Variants in LOC128462377 observed in about 807,000 individuals in gnomAD.
At chr16:89,362,959 T>TA in the LOC128462377 span, among the ~76,000 whole-genome samples, 122 of 152,004 alleles carry the variant, frequency 8.0e-4, 2 homozygotes, top group African/African-American at 2.8e-3. Context: ...GCAGTTGGTA[T>TA]AAAAAAACCG....
chr16:89,406,294 C>G, the LOC128462377 span, among the ~76,000 whole-genome samples: 3 of 152,124 alleles, frequency 2.0e-5, no homozygotes, highest in African/African-American at 7.2e-5. Context: ...CTCAGGCCAA[C>G]GGCACTGACA....
At chr16:89,329,313 C>A in the LOC128462377 span, among the ~76,000 whole-genome samples, 1 of 152,164 alleles carries the variant, frequency 6.6e-6, no homozygotes. Context: ...ATGTTCCCGG[C>A]CACTGGGCGA....
the LOC128462377 span, among the ~76,000 whole-genome samples, chr16:89,360,017 G>T: frequency 4.6e-5 from 7 of 152,086 alleles, no homozygotes; most frequent in Admixed American, 1.3e-4. Flanking sequence ...ACTAAGCCCA[G>T]TACCCAACAG....
chr16:89,393,169 T>C, the LOC128462377 span, among the ~76,000 whole-genome samples: 1 of 152,136 alleles, frequency 6.6e-6, no homozygotes, highest in Non-Finnish European at 1.5e-5. Flanking sequence ...TGGCACCTTC[T>C]TGCTACATCA....
chr16:89,374,853 C>G, the LOC128462377 span, among the ~76,000 whole-genome samples: 1 of 151,982 alleles, frequency 6.6e-6, no homozygotes, highest in Admixed American at 6.6e-5. Context: ...TTGTTTTCAA[C>G]AAATACACTG....
At chr16:89,363,330 C>G in the LOC128462377 span, among the ~76,000 whole-genome samples, 2 of 151,984 alleles carry the variant, frequency 1.3e-5, no homozygotes. Flanking sequence ...TAAATGCCAG[C>G]CAAGGAGTAA....
chr16:89,344,761 A>G, the LOC128462377 span, among the ~76,000 whole-genome samples: 3 of 152,206 alleles, frequency 2.0e-5, no homozygotes, highest in Non-Finnish European at 4.4e-5. Flanking sequence ...GCACGGGAGC[A>G]CAGCGGAGGG....
chr16:89,319,919 T>G, the LOC128462377 span: 1 of 152,606 alleles, frequency 6.6e-6, no homozygotes, highest in Non-Finnish European at 1.5e-5. Flanking sequence ...TCTGGCACCT[T>G]TGGCCCCCAC....
the LOC128462377 span, among the ~76,000 whole-genome samples, chr16:89,407,852 CAAAAAAAAAAAAA>C: frequency 7.2e-5 from 8 of 111,440 alleles, no homozygotes; most frequent in Admixed American, 1.0e-4. Flanking sequence ...TGTCTCCCTC[CAAAAAAAAAAAAA>C]AAAAAAAAGA....
At chr16:89,351,114 C>G in the LOC128462377 span, among the ~76,000 whole-genome samples, 1 of 152,198 alleles carries the variant, frequency 6.6e-6, no homozygotes, top group Non-Finnish European at 1.5e-5. Context: ...AAGAAGCTCT[C>G]AGAGAGAATG....
At chr16:89,356,993 G>T in the LOC128462377 span, among the ~76,000 whole-genome samples, 1 of 152,186 alleles carries the variant, frequency 6.6e-6, no homozygotes, top group African/African-American at 2.4e-5. Flanking sequence ...TGGCTGCCTT[G>T]TCAGCAGGGC....
At chr16:89,346,474 C>T in the LOC128462377 span, among the ~76,000 whole-genome samples, 1 of 152,264 alleles carries the variant, frequency 6.6e-6, no homozygotes, top group South Asian at 2.1e-4. Flanking sequence ...ATTTTTCAAG[C>T]TCCCAGGGAA....
At chr16:89,337,007 CAAAAAAAAAAAAAAA>C in the LOC128462377 span, among the ~76,000 whole-genome samples, 1 of 47,742 alleles carries the variant, frequency 2.1e-5, no homozygotes, top group Non-Finnish European at 3.7e-5. Flanking sequence ...CTGGCTCTAC[CAAAAAAAAAAAAAAA>C]AAAAAAAAAA....
the LOC128462377 span, among the ~76,000 whole-genome samples, chr16:89,387,692 G>GAAAAAAAA: frequency 1.5e-5 from 1 of 67,494 alleles, no homozygotes; most frequent in Non-Finnish European, 3.1e-5. Context: ...AAAAGAAAAA[G>GAAAAAAAA]AAAAAAAAAA....
At chr16:89,415,069 C>G in the LOC128462377 span, among the ~76,000 whole-genome samples, 1 of 151,904 alleles carries the variant, frequency 6.6e-6, no homozygotes, top group Non-Finnish European at 1.5e-5. Flanking sequence ...CCCGCTCAGC[C>G]TCCCCAAGTA....
At chr16:89,388,315 T>TTTTTTTTTTA in the LOC128462377 span, among the ~76,000 whole-genome samples, 2 of 145,396 alleles carry the variant, frequency 1.4e-5, no homozygotes, top group Admixed American at 6.8e-5. Flanking sequence ...TTTTTTTTTT[T>TTTTTTTTTTA]GAGACGGAGT....
the LOC128462377 span, among the ~76,000 whole-genome samples, chr16:89,383,547 T>C: frequency 6.6e-6 from 1 of 152,192 alleles, no homozygotes; most frequent in Non-Finnish European, 1.5e-5. Flanking sequence ...GGAAGAGCCA[T>C]GAAGTTCCCA....
chr16:89,401,063 C>G, the LOC128462377 span, among the ~76,000 whole-genome samples: 42 of 152,242 alleles, frequency 2.8e-4, no homozygotes, highest in Middle Eastern at 6.8e-3. Context: ...CAAGTTGTCT[C>G]AGTAATGTTA....
the LOC128462377 span, among the ~76,000 whole-genome samples, chr16:89,405,837 C>T: frequency 3.7e-4 from 57 of 152,242 alleles, no homozygotes; most frequent in South Asian, 8.3e-4. Flanking sequence ...TCAATCCCAA[C>T]TTAGCTCCAG....
Sources: allele counts gnomAD v4.1 joint callset (sites outside exome capture counted in the v4.1 genomes callset), GRCh38; gene constraint gnomAD v4.1.1; transcripts MANE v1.5.